DRC10: variants seen among roughly 807,000 people sequenced by gnomAD.
DRC10 encodes dynein regulatory complex subunit 10.
the DRC10 span, among the ~76,000 whole-genome samples, chr12:113,218,796 T>C: frequency 2.0e-5 from 3 of 152,182 alleles, no homozygotes; most frequent in Admixed American, 6.5e-5. Context: ...TAGCAATTAT[T>C]AGTATTTCAT....
At chr12:113,200,859 C>G in the DRC10 span, 2 of 1,409,910 alleles carry the variant, frequency 1.4e-6, no homozygotes, top group Non-Finnish European at 9.5e-7. Context: ...CCATGCCCAG[C>G]CGGGCACAGT....
the DRC10 span, among the ~76,000 whole-genome samples, chr12:113,203,979 G>A: frequency 6.6e-6 from 1 of 152,016 alleles, no homozygotes; most frequent in East Asian, 1.9e-4. Flanking sequence ...GGTGGCATGT[G>A]CCTGTAGTCA....
chr12:113,214,341 A>T, the DRC10 span, among the ~76,000 whole-genome samples: 1 of 151,982 alleles, frequency 6.6e-6, no homozygotes, highest in African/African-American at 2.4e-5. Context: ...AAACATCTCT[A>T]CTAAAAATAC....
the DRC10 span, chr12:113,208,297 T>C: frequency 6.9e-7 from 1 of 1,446,180 alleles, no homozygotes. Context: ...GCAGCTGTGC[T>C]GACATCTGTG....
chr12:113,211,789 G>C, the DRC10 span, among the ~76,000 whole-genome samples: 7 of 151,980 alleles, frequency 4.6e-5, no homozygotes, highest in Admixed American at 4.6e-4. Flanking sequence ...TAGGAGGCTG[G>C]GCATGGTGGC....
the DRC10 span, among the ~76,000 whole-genome samples, chr12:113,212,862 T>G: frequency 6.6e-6 from 1 of 152,192 alleles, no homozygotes; most frequent in African/African-American, 2.4e-5. Context: ...GCATCTCCGT[T>G]TAAAATTCCT....
chr12:113,211,861 T>C, the DRC10 span, among the ~76,000 whole-genome samples: 1 of 150,514 alleles, frequency 6.6e-6, no homozygotes, highest in African/African-American at 2.5e-5. Context: ...AGCCCAGGAG[T>C]TCAAGATCAG....
the DRC10 span, chr12:113,207,758 G>A: frequency 1.9e-6 from 3 of 1,614,146 alleles, no homozygotes; most frequent in Non-Finnish European, 2.5e-6. Context: ...CTGGATTTCT[G>A]CAGCTCTATG....
the DRC10 span, among the ~76,000 whole-genome samples, chr12:113,214,321 C>T: frequency 6.6e-6 from 1 of 152,092 alleles, no homozygotes. Context: ...CCAGCCTGGG[C>T]AATATGGCGA....
At chr12:113,208,415 G>T in the DRC10 span, 1 of 1,265,148 alleles carries the variant, frequency 7.9e-7, no homozygotes, top group Non-Finnish European at 1.0e-6. Context: ...TCAGCTTTGT[G>T]AGGGTGTTAG....
the DRC10 span, chr12:113,208,002 G>C: frequency 1.9e-6 from 3 of 1,614,054 alleles, no homozygotes; most frequent in African/African-American, 4.0e-5. Flanking sequence ...CCTCATCCAG[G>C]ATGGACATGA....
the DRC10 span, chr12:113,200,194 T>A: frequency 6.3e-5 from 23 of 364,014 alleles, no homozygotes; most frequent in East Asian, 1.1e-3. Context: ...AGTTGAGTAA[T>A]TAGCCTGAGC....
chr12:113,207,207 G>T, the DRC10 span: 1 of 578,676 alleles, frequency 1.7e-6, no homozygotes, highest in East Asian at 3.0e-5. Context: ...AATTAGCCGG[G>T]CGTGGTGGCA....
the DRC10 span, chr12:113,195,700 C>T: frequency 6.2e-7 from 1 of 1,613,768 alleles, no homozygotes; most frequent in Admixed American, 1.7e-5. Context: ...TTCCATAGGG[C>T]CTGGATGAGC....
chr12:113,207,773 G>C, the DRC10 span: 1 of 1,614,142 alleles, frequency 6.2e-7, no homozygotes, highest in Non-Finnish European at 8.5e-7. Context: ...TCTATGGAAA[G>C]GAGGCGGTCT....
the DRC10 span, chr12:113,207,778 C>A: frequency 1.2e-6 from 2 of 1,614,138 alleles, no homozygotes; most frequent in East Asian, 2.2e-5. Context: ...GGAAAGGAGG[C>A]GGTCTCTGAG....
chr12:113,198,969 G>A, the DRC10 span, among the ~76,000 whole-genome samples: 11 of 151,714 alleles, frequency 7.3e-5, no homozygotes, highest in South Asian at 1.5e-3. Context: ...ATGGAGTTTC[G>A]CTCTGTCACC....
chr12:113,203,468 C>T, the DRC10 span, among the ~76,000 whole-genome samples: 62 of 149,756 alleles, frequency 4.1e-4, no homozygotes, highest in African/African-American at 1.5e-3. Context: ...CCCCTCCCCA[C>T]CCCTTCCCTT....
the DRC10 span, chr12:113,207,270 C>T: frequency 1.4e-6 from 1 of 706,476 alleles, no homozygotes; most frequent in East Asian, 2.6e-5. Context: ...ATCGCTTGAA[C>T]CTGGGAGGCA....
Sources: allele counts gnomAD v4.1 joint callset (sites outside exome capture counted in the v4.1 genomes callset), GRCh38; gene constraint gnomAD v4.1.1; transcripts MANE v1.5; gene names NCBI Gene and HGNC (gene_info 2026-07-23, HGNC 2026-07-21).